FUT8: variants seen among roughly 807,000 people sequenced by gnomAD.
FUT8 encodes alpha-(1,6)-fucosyltransferase.
FUT8 carries 29 observed loss-of-function variants against 71.3 expected under a neutral mutation model. That is an observed-to-expected ratio of 0.41 (90% CI 0.30 to 0.55). The LOEUF (loss-of-function observed/expected upper bound fraction) is 0.55. Ranked by LOEUF, FUT8 falls within the 20% of genes least tolerant of loss-of-function variation. The pLI is 0.34. For synonymous variants in FUT8, 254 were observed against 239.3 expected (o/e 1.06, Z -0.57); for missense variants, 544 against 702.1 (o/e 0.77, Z 2.55).
chr14:65,434,180 T>C (rs1289351972), intron 1 of FUT8, among the ~76,000 whole-genome samples: 2 of 152,330 alleles, frequency 1.3e-5, no homozygotes, highest in Middle Eastern at 3.4e-3. Context: ...GAAAGGTGAT[T>C]TATTGGCTAT....
At chr14:65,662,852 C>A (rs561474580) in intron 6 of FUT8, among the ~76,000 whole-genome samples, 6 of 152,258 alleles carry the variant, frequency 3.9e-5, no homozygotes, top group Admixed American at 2.0e-4. Context: ...AAAATCATAT[C>A]TTTAACCTCT....
intron 7 of FUT8, among the ~76,000 whole-genome samples, chr14:65,675,738 C>T (rs1374874791): frequency 6.6e-6 from 1 of 151,996 alleles, no homozygotes; most frequent in Non-Finnish European, 1.5e-5. Context: ...GCCTGTAATC[C>T]CAGTACTTTG....
At chr14:65,492,059 G>C (rs1290451883) in intron 2 of FUT8, among the ~76,000 whole-genome samples, 1 of 152,130 alleles carries the variant, frequency 6.6e-6, no homozygotes, top group Non-Finnish European at 1.5e-5. Context: ...TAGTTACTTG[G>C]ACTTGTGAGC....
intron 5 of FUT8, among the ~76,000 whole-genome samples, chr14:65,621,682 C>T (rs1889622096): frequency 6.6e-6 from 1 of 152,160 alleles, no homozygotes; most frequent in African/African-American, 2.4e-5. Flanking sequence ...CTGTCTCAGC[C>T]TCCTGAGTAG....
At chr14:65,663,176 CAA>C (rs1892054565) in intron 6 of FUT8, among the ~76,000 whole-genome samples, 1 of 152,084 alleles carries the variant, frequency 6.6e-6, no homozygotes, top group African/African-American at 2.4e-5. Context: ...TGGTAACTGA[CAA>C]GAGCTATTTG....
At chr14:65,587,816 T>C (rs2140131403) in intron 3 of FUT8, among the ~76,000 whole-genome samples, 1 of 152,212 alleles carries the variant, frequency 6.6e-6, no homozygotes, top group East Asian at 1.9e-4. Flanking sequence ...CAGTCTGAAT[T>C]AATGACAAAT....
At chr14:65,578,263 A>G (rs1886898187) in intron 3 of FUT8, among the ~76,000 whole-genome samples, 1 of 152,200 alleles carries the variant, frequency 6.6e-6, no homozygotes, top group Admixed American at 6.5e-5. Flanking sequence ...TTGAAGATAA[A>G]TAATAGCAGG....
intron 6 of FUT8, among the ~76,000 whole-genome samples, chr14:65,631,820 C>T (rs1890196104): frequency 6.6e-6 from 1 of 151,940 alleles, no homozygotes; most frequent in Non-Finnish European, 1.5e-5. Flanking sequence ...TACACTGCAC[C>T]CTATTTGTAG....
the FUT8 span, among the ~76,000 whole-genome samples, chr14:65,371,737 C>T: frequency 1.8e-4 from 27 of 152,306 alleles, no homozygotes; most frequent in Admixed American, 9.8e-4. Context: ...TGACACAACA[C>T]ATTTTCCAGG....
chr14:65,360,019 G>T, the FUT8 span, among the ~76,000 whole-genome samples: 1 of 152,016 alleles, frequency 6.6e-6, no homozygotes, highest in Non-Finnish European at 1.5e-5. Flanking sequence ...TTTCAGTAGA[G>T]ACAGGGTTTC....
At chr14:65,415,437 A>C (rs1187672856) in intron 1 of FUT8, among the ~76,000 whole-genome samples, 2 of 152,198 alleles carry the variant, frequency 1.3e-5, no homozygotes, top group Non-Finnish European at 2.9e-5. Flanking sequence ...TCTCACTTAA[A>C]AATCTCTAAA....
chr14:65,618,047 A>ATATG (rs1555376251), intron 5 of FUT8, among the ~76,000 whole-genome samples: 2 of 110,052 alleles, frequency 1.8e-5, no homozygotes, highest in Non-Finnish European at 3.5e-5. Flanking sequence ...ATATATATAT[A>ATATG]TATATATGTA....
At chr14:65,670,087 T>C (rs1892404096) in intron 7 of FUT8, among the ~76,000 whole-genome samples, 1 of 152,236 alleles carries the variant, frequency 6.6e-6, no homozygotes, top group Non-Finnish European at 1.5e-5. Context: ...TGAATAGTAA[T>C]GTGACTAAGG....
chr14:65,575,994 C>T (rs777978509), intron 3 of FUT8, among the ~76,000 whole-genome samples: 7 of 152,122 alleles, frequency 4.6e-5, no homozygotes, highest in Non-Finnish European at 8.8e-5. Context: ...CAGTTGGCCG[C>T]AAGTAAGTAT....
At chr14:65,710,981 G>T (rs779950030) in intron 7 of FUT8, among the ~76,000 whole-genome samples, 1 of 152,088 alleles carries the variant, frequency 6.6e-6, no homozygotes, top group Non-Finnish European at 1.5e-5. Flanking sequence ...GTTCTGCTGA[G>T]AACTAGTAGA....
At chr14:65,358,674 T>G in the FUT8 span, among the ~76,000 whole-genome samples, 1 of 152,120 alleles carries the variant, frequency 6.6e-6, no homozygotes, top group African/African-American at 2.4e-5. Context: ...GGTCTTGAAC[T>G]TCTGTGCTCA....
At chr14:65,486,074 C>CT (rs926520427) in intron 2 of FUT8, among the ~76,000 whole-genome samples, 1 of 152,056 alleles carries the variant, frequency 6.6e-6, no homozygotes, top group Non-Finnish European at 1.5e-5. Context: ...TTTTTTAAAA[C>CT]TTTTTTTCCC....
At chr14:65,623,797 A>C (rs1211784190) in intron 5 of FUT8, among the ~76,000 whole-genome samples, 1 of 152,134 alleles carries the variant, frequency 6.6e-6, no homozygotes, top group Admixed American at 6.5e-5. Flanking sequence ...AATGGCCAGC[A>C]CTATTTTGCT....
chr14:65,675,996 CAAA>C (rs56680910), intron 7 of FUT8, among the ~76,000 whole-genome samples: 1 of 150,842 alleles, frequency 6.6e-6, no homozygotes, highest in African/African-American at 2.4e-5. Context: ...GACTCTGTTT[CAAA>C]AAAAATAAAT....
Sources: gnomAD v4.1 joint callset for allele counts (sites outside exome capture counted in the v4.1 genomes callset) on GRCh38, gnomAD v4.1.1 for gene constraint, MANE v1.5 for transcripts, NCBI Gene and HGNC (gene_info 2026-07-23, HGNC 2026-07-21) for gene names.